The following PXDN variants were observed in gnomAD, a reference collection of about 807,000 sequenced individuals.
PXDN encodes peroxidasin.
Under a neutral mutation model 140.3 loss-of-function variants are expected in PXDN, and 77 were observed. The ratio of observed to expected loss-of-function variants is 0.55; its 90% CI spans 0.46 to 0.66. PXDN has a LOEUF of 0.66. PXDN is among the 30% of genes least tolerant of loss of function. The probability of loss-of-function intolerance (pLI) is 0.00; values close to 1 mark genes in which losing one functional copy is unlikely to be tolerated. For synonymous variants in PXDN, 911 were observed against 857.4 expected (o/e 1.06, Z -1.09); for missense variants, 1,838 against 2,039.5 (o/e 0.90, Z 1.90).
chr2:1,673,494 A>G lies in PXDN; in HGVS notation c.1018+149T>C, dbSNP rs918953. Reference sequence around the variant, plus strand: ...ATGGATCATCTACGACCCTGCGCTTAGAAAGCTTTCTGAGCCAACCCTGGT... The same window carrying G: ...ATGGATCATCTACGACCCTGCGCTTGGAAAGCTTTCTGAGCCAACCCTGGT... On this transcript the variant is annotated intron_variant, in intron 9 of 22. Transcript: ENST00000252804. 4.8e-5 allele frequency: 50 copies of G among 1,050,188 alleles called. No homozygotes were observed. In the African/African-American group the frequency reaches 8.0e-4, roughly 17 times the overall value. The allele number at this position is 1,050,188 out of a possible 1,614,324, so 65.1% of individuals were successfully genotyped here.
Position 1,658,062 on chromosome 2 carries a change from CTCT to C in PXDN, c.1837+2816_1837+2818del, listed in dbSNP as rs1558494370. ...TCTCTCTCTCTCTCTCTCTCTCTCT[CTCT>C]CTCTCTCTCTCTCTCTCTCTCTCTC... On this transcript the variant is annotated intron_variant, in intron 14 of 22. Coordinates refer to ENST00000252804, the MANE Select transcript of PXDN (RefSeq NM_012293.3). Among the ~76,000 whole-genome samples, 240 of 110,774 alleles carry C rather than the reference CTCT, an allele frequency of 2.2e-3. 22 individuals carry two copies. The highest frequency in any genetic ancestry group is 4.6e-3 in the Middle Eastern group (1 of 216). The allele number at this position is 110,774 out of a possible 152,430, so 72.7% of individuals were successfully genotyped here.
At chr2:1,706,890 A>G (rs113122115) in intron 1 of PXDN, among the ~76,000 whole-genome samples, 57 of 108,268 alleles carry the variant, frequency 5.3e-4, no homozygotes, top group Non-Finnish European at 5.5e-4. Context: ...CCCCACTAAT[A>G]ATACAATCCG....
At chr2:1,722,331 G>A (rs115136838) in intron 1 of PXDN, among the ~76,000 whole-genome samples, 182 of 152,244 alleles carry the variant, frequency 1.2e-3, no homozygotes, top group African/African-American at 4.1e-3. Context: ...CTCCTCTCTC[G>A]GCACTGAGTC....
In PXDN at chr2:1,673,820, G is replaced by A. The variant is rs768805203; in HGVS notation, c.849-8C>T. On this transcript the variant is annotated splice_region_variant and splice_polypyrimidine_tract_variant and intron_variant, in intron 8 of 22. Transcript: ENST00000252804. ...TTCATGCTCAGCTCATTACTACAAA[G>A]ACAGAAATATGGTCTGGTCAAGTGT... 25 of 1,613,728 alleles carry A rather than the reference G, an allele frequency of 1.5e-5. No individual in the cohort carries two copies. The highest frequency in any genetic ancestry group is 1.8e-5 in the Non-Finnish European group (21 of 1,179,774).
intron 14 of PXDN, among the ~76,000 whole-genome samples, chr2:1,658,580 C>T (rs1272411153): frequency 6.6e-5 from 10 of 152,108 alleles, no homozygotes; most frequent in African/African-American, 1.4e-4. Context: ...CCCGACACCT[C>T]GCCCTGGACC....
In PXDN at chr2:1,649,233, G is replaced by A. The variant is rs1201172354; in HGVS notation, c.2547C>T (p.Asn849=). The A allele has an allele frequency of 2.4e-5, 38 of 1,612,996 alleles. No individual in the cohort carries two copies. Among genetic ancestry groups the A allele is most frequent in the Non-Finnish European group, 2.9e-5 (34 of 1,179,776 alleles). Residue 849 remains asparagine, a synonymous_variant, in exon 17 of 23, where the codon AAC becomes AAT. Transcript: ENST00000252804. The surrounding 1 kb of genome is among the most constrained non-coding windows in gnomAD (Gnocchi z 7.1). ...ARFSDGQHCS[N]VCSNDPPCFS... is the part of the protein sequence containing the mutation. ...AGCAGGGGGGGTCGTTGCTGCACAC[G>A]TTGCTGCAGTGCTGTCCGTCGGAGA... is the stretch of plus-strand genomic sequence containing the variant.
Position 1,649,219 on chromosome 2 carries a change from TCGTTGCTGCACA to T in PXDN, c.2549_2560del (p.Val850_Asn853del). Reference sequence around the variant, plus strand: ...GATCATGACAGAGAAGCAGGGGGGGTCGTTGCTGCACACGTTGCTGCAGTGCTGTCCGTCGGA... The same window carrying T: ...GATCATGACAGAGAAGCAGGGGGGGTCGTTGCTGCAGTGCTGTCCGTCGGA... On this transcript the variant is annotated inframe_deletion, in exon 17 of 23. Coordinates refer to ENST00000252804, the MANE Select transcript of PXDN (RefSeq NM_012293.3). The surrounding 1 kb of genome is among the most constrained non-coding windows in gnomAD (Gnocchi z 7.1). 7 of 874,954 alleles carry T rather than the reference TCGTTGCTGCACA, an allele frequency of 8.0e-6. No homozygotes were observed. The highest frequency in any genetic ancestry group is 8.7e-6 in the Non-Finnish European group (5 of 575,168). 54.2% of individuals were successfully genotyped at this position (874,954 alleles called of 1,614,324 possible). A position where few individuals can be genotyped will look rare whatever the true frequency, so the allele number is the denominator to read the frequency against.
intron 17 of PXDN, among the ~76,000 whole-genome samples, chr2:1,645,525 A>T (rs116014532): frequency 2.6e-5 from 4 of 152,190 alleles, no homozygotes; most frequent in Non-Finnish European, 5.9e-5. Flanking sequence ...GAACCCTAGG[A>T]TCAAGACAGA....
chr2:1,710,980 C>T (rs1252962761), intron 1 of PXDN, among the ~76,000 whole-genome samples: 2 of 61,726 alleles, frequency 3.2e-5, no homozygotes, highest in Non-Finnish European at 7.3e-5. Flanking sequence ...CACCAGCACC[C>T]GCTCCACCAG....
At chr2:1,712,367 T>C (rs1193520493) in intron 1 of PXDN, among the ~76,000 whole-genome samples, 1 of 152,256 alleles carries the variant, frequency 6.6e-6, no homozygotes, top group Non-Finnish European at 1.5e-5. Flanking sequence ...TTTTTTGTAA[T>C]GCATCATGTC....
intron 1 of PXDN, among the ~76,000 whole-genome samples, chr2:1,729,451 G>A (rs1290266492): frequency 2.6e-5 from 4 of 152,088 alleles, no homozygotes; most frequent in African/African-American, 4.8e-5. Context: ...ACATCCATCC[G>A]CAGGATAATA....
chr2:1,716,683 T>C (rs1251408173), intron 1 of PXDN, among the ~76,000 whole-genome samples: 1 of 152,056 alleles, frequency 6.6e-6, no homozygotes, highest in Non-Finnish European at 1.5e-5. Flanking sequence ...AATCACGTGG[T>C]GGGGCCCACA....
rs781119752 is a variant in PXDN at position 1,744,291 on chromosome 2, C to T, written c.165G>A (p.Glu55=). 4.3e-4 allele frequency: 656 copies of T among 1,522,376 alleles called. No individual in the cohort carries two copies. The highest frequency in any genetic ancestry group is 5.6e-4 in the Non-Finnish European group (637 of 1,141,212). 94.3% of individuals were successfully genotyped at this position (1,522,376 alleles called of 1,614,324 possible). The stretch of plus-strand genomic sequence containing the variant: ...TCTGCGGCGCCACGGCGGGCACGGC[C>T]TCCAGCAGCAGATGCATGCAGCGCA... ...TTVRCMHLLL[E]AVPAVAPQTS... is the part of the protein sequence containing the mutation. The change falls in exon 1 of 23, where the codon GAG becomes GAA. Residue 55 remains glutamate (E), a synonymous_variant. Transcript: ENST00000252804.
chr2:1,674,908 C>T (rs529717029), intron 8 of PXDN, among the ~76,000 whole-genome samples: 36 of 152,272 alleles, frequency 2.4e-4, no homozygotes, highest in African/African-American at 7.0e-4. Flanking sequence ...CAAGCTGGGT[C>T]GCTCATGCAG....
intron 1 of PXDN, among the ~76,000 whole-genome samples, chr2:1,736,149 G>A (rs888542607): frequency 5.9e-5 from 9 of 152,298 alleles, no homozygotes; most frequent in African/African-American, 2.2e-4. Context: ...GTGGAATGTT[G>A]TGGCTGGTTT....
At chr2:1,669,103 T>A (rs1030864209) in intron 9 of PXDN, among the ~76,000 whole-genome samples, 7 of 152,130 alleles carry the variant, frequency 4.6e-5, no homozygotes, top group African/African-American at 1.7e-4. Flanking sequence ...ATACACACCA[T>A]GGAATACTAT....
chr2:1,720,347 G>GAGAGAGGGAGGGATGC (rs1685010033), intron 1 of PXDN, among the ~76,000 whole-genome samples: 1 of 139,908 alleles, frequency 7.1e-6, no homozygotes, highest in Admixed American at 7.1e-5. Context: ...GAGGGATGCA[G>GAGAGAGGGAGGGATGC]AGAGAGGGAG....
rs537367282 is a variant in PXDN at position 1,651,590 on chromosome 2, C to T, written c.2105-1915G>A. 5.1e-4 allele frequency among the ~76,000 whole-genome samples: 77 copies of T among 152,360 alleles called. No individual in the cohort carries two copies. Among genetic ancestry groups the T allele is most frequent in the Admixed American group, 3.2e-3 (49 of 15,308 alleles). On this transcript the variant is annotated intron_variant, in intron 16 of 22. Coordinates refer to ENST00000252804, the MANE Select transcript of PXDN (RefSeq NM_012293.3). This position sits in a 1 kb window ranked among gnomAD's most constrained non-coding sequence, Gnocchi z 4.4. Reference sequence around the variant, plus strand: ...TTATCAGCCCTTCCTCACCCCCTTTCCAGCCACAGTGACCACCTGCTGTTC... The same window carrying T: ...TTATCAGCCCTTCCTCACCCCCTTTTCAGCCACAGTGACCACCTGCTGTTC...
intron 14 of PXDN, among the ~76,000 whole-genome samples, chr2:1,659,073 G>A (rs1683243337): frequency 6.6e-6 from 1 of 152,232 alleles, no homozygotes; most frequent in Non-Finnish European, 1.5e-5. Flanking sequence ...GAAGGCATTT[G>A]CTGAACGAAC....
Sources: allele counts gnomAD v4.1 joint callset (sites outside exome capture counted in the v4.1 genomes callset), GRCh38; gene constraint gnomAD v4.1.1; non-coding constraint Gnocchi (gnomAD v3.1); transcripts MANE v1.5; gene names NCBI Gene and HGNC (gene_info 2026-07-23, HGNC 2026-07-21).